The following PARD6G variants were observed in gnomAD, a reference collection of about 807,000 sequenced individuals.
PARD6G encodes the protein par-6 family cell polarity regulator gamma.
A neutral mutation model predicts 10.7 loss-of-function variants in PARD6G; 7 were observed. The ratio of observed to expected loss-of-function variants is 0.66; its 90% CI spans 0.37 to 1.23. The LOEUF is 1.23. Among genes scored for constraint, PARD6G ranks in the 50% most tolerant of loss-of-function variants. PARD6G has a pLI of 0.02. For missense variants in PARD6G, 548 were observed against 571.8 expected (o/e 0.96, Z 0.42); for synonymous variants, 287 against 269.4 (o/e 1.07, Z -0.64).
chr18:80,212,884 C>CAAAA (rs529081644), intron 1 of PARD6G, among the ~76,000 whole-genome samples: 1 of 147,030 alleles, frequency 6.8e-6, no homozygotes, highest in African/African-American at 2.5e-5. Flanking sequence ...GACCCCATCT[C>CAAAA]AAAAAAAAAA....
chr18:80,220,254 A>C (rs998739735), intron 1 of PARD6G, among the ~76,000 whole-genome samples: 5 of 152,230 alleles, frequency 3.3e-5, no homozygotes, highest in African/African-American at 1.2e-4. Context: ...TCACAAAAAC[A>C]GCATAGAGGT....
intron 2 of PARD6G, among the ~76,000 whole-genome samples, chr18:80,174,530 A>C (rs1473292148): frequency 6.6e-6 from 1 of 152,194 alleles, no homozygotes; most frequent in African/African-American, 2.4e-5. Context: ...CACTGAGAAA[A>C]GACTCATGGA....
At chr18:80,224,713 G>A (rs1008768480) in intron 1 of PARD6G, among the ~76,000 whole-genome samples, 8 of 152,176 alleles carry the variant, frequency 5.3e-5, no homozygotes, top group African/African-American at 9.7e-5. Flanking sequence ...CGGGCGTGAT[G>A]GCGGGCGCCT....
intron 2 of PARD6G, among the ~76,000 whole-genome samples, chr18:80,164,765 G>A (rs960020656): frequency 4.6e-5 from 7 of 152,178 alleles, no homozygotes; most frequent in African/African-American, 1.4e-4. Flanking sequence ...ATCACCTATC[G>A]GTAGGTCCGT....
At chr18:80,218,496 C>T (rs1229713964) in intron 1 of PARD6G, among the ~76,000 whole-genome samples, 1 of 152,228 alleles carries the variant, frequency 6.6e-6, no homozygotes, top group African/African-American at 2.4e-5. Context: ...AAGAGGTAGG[C>T]TCCCATGGCC....
Position 80,159,464 on chromosome 18 carries a change from G to A in PARD6G, c.*307C>T, listed in dbSNP as rs767571682. On this transcript the variant is annotated 3_prime_UTR_variant, in exon 3 of 3. Transcript: ENST00000353265. ...TTTAAAGCTTCACTTTAAAAACAAA[G>A]TATTTGTAAAAATTTTAAAAAGCAT... 25 of 297,294 alleles carry A rather than the reference G, an allele frequency of 8.4e-5. No individual in the cohort carries two copies. Among genetic ancestry groups the A allele is most frequent in the South Asian group, 1.6e-4 (1 of 6,236 alleles). 18.4% of individuals were successfully genotyped at this position (297,294 alleles called of 1,614,324 possible).
At chr18:80,213,774 C>T (rs759444424) in intron 1 of PARD6G, among the ~76,000 whole-genome samples, 22 of 151,646 alleles carry the variant, frequency 1.5e-4, no homozygotes, top group Non-Finnish European at 2.6e-4. Flanking sequence ...CTGGCTAACA[C>T]GATGAAACCC....
At chr18:80,190,699 C>G (rs1465664657) in intron 2 of PARD6G, among the ~76,000 whole-genome samples, 1 of 152,212 alleles carries the variant, frequency 6.6e-6, no homozygotes, top group East Asian at 1.9e-4. Context: ...GTATTGGAGA[C>G]CATGGATTTG....
rs2052862155 is a variant in PARD6G, at chr18:80,184,308, T to C, written c.295+18402A>G. 6.6e-6 allele frequency: 1 copy of C among 152,256 alleles called. No homozygotes were observed. Among genetic ancestry groups the C allele is most frequent in the Admixed American group, 6.5e-5 (1 of 15,286 alleles). 9.4% of individuals were successfully genotyped at this position (152,256 alleles called of 1,614,324 possible). A position where few individuals can be genotyped will look rare whatever the true frequency, so the allele number is the denominator to read the frequency against. On this transcript the variant is annotated intron_variant, in intron 2 of 2. Coordinates refer to ENST00000353265, the MANE Select transcript of PARD6G (RefSeq NM_032510.4). This position sits in a 1 kb window ranked among gnomAD's most constrained non-coding sequence, Gnocchi z 4.5. ...ACTGCCGGGCTGCAGTGAATCCAGG[T>C]GACCTCACAGAAACTTGTATGTGAG...
intron 2 of PARD6G, chr18:80,168,830 A>T (rs2052754438): frequency 5.9e-6 from 1 of 168,716 alleles, no homozygotes; most frequent in Admixed American, 6.5e-5. Flanking sequence ...ATCCGTAACA[A>T]GAGGGGAAAT....
intron 2 of PARD6G, among the ~76,000 whole-genome samples, chr18:80,197,911 C>T (rs1425813171): frequency 2.0e-5 from 3 of 152,194 alleles, no homozygotes; most frequent in Non-Finnish European, 4.4e-5. Flanking sequence ...ACCCTCTCAT[C>T]GTGGCCAATC....
chr18:80,197,798 A>C, intron 2 of PARD6G, among the ~76,000 whole-genome samples: 1 of 152,250 alleles, frequency 6.6e-6, no homozygotes, highest in Non-Finnish European at 1.5e-5. Context: ...CCAGCTTCCC[A>C]AAACATTCCT....
At chr18:80,240,007 G>C (rs1464748331) in intron 1 of PARD6G, among the ~76,000 whole-genome samples, 2 of 152,176 alleles carry the variant, frequency 1.3e-5, no homozygotes, top group African/African-American at 4.8e-5. Context: ...CAAGAGAGGA[G>C]GCAACGGGGG....
In PARD6G at chr18:80,157,939, T is replaced by G. The variant is rs967687239; in HGVS notation, c.*1832A>C. 2.0e-5 allele frequency: 3 copies of G among 152,368 alleles called. No homozygotes were observed. The highest frequency in any genetic ancestry group is 7.2e-5 in the African/African-American group (3 of 41,460). The allele number at this position is 152,368 out of a possible 1,614,324, so 9.4% of individuals were successfully genotyped here. A position where few individuals can be genotyped will look rare whatever the true frequency, so the allele number is the denominator to read the frequency against. On this transcript the variant is annotated 3_prime_UTR_variant, in exon 3 of 3. Coordinates refer to ENST00000353265, the MANE Select transcript of PARD6G (RefSeq NM_032510.4). ...TCTGCCACTGACCAGCAGGTGGTGC[T>G]GGACCACAAGGAGAAGCAGCGGGAG...
At chr18:80,224,654 T>C (rs547219234) in intron 1 of PARD6G, among the ~76,000 whole-genome samples, 239 of 152,260 alleles carry the variant, frequency 1.6e-3, no homozygotes, top group Non-Finnish European at 1.8e-3. Flanking sequence ...AAGACCAACC[T>C]GGCTAACACG....
rs756338253 is a variant in PARD6G, at chr18:80,189,002, C to T, written c.295+13708G>A. Among the ~76,000 whole-genome samples the T allele has an allele frequency of 1.1e-4, 16 of 152,216 alleles. No individual in the cohort carries two copies. Among genetic ancestry groups the T allele is most frequent in the Non-Finnish European group, 1.8e-4 (12 of 68,036 alleles). ...GTAGGCGTTGCCCAGCCCGGGGTTG[C>T]CTGACACTCTCTGGGGCAGAGAACC... On this transcript the variant is annotated intron_variant, in intron 2 of 2. Coordinates refer to ENST00000353265, the MANE Select transcript of PARD6G (RefSeq NM_032510.4). The surrounding 1 kb of genome is among the most constrained non-coding windows in gnomAD (Gnocchi z 5.5).
At position 80,192,782 on chromosome 18, in the gene PARD6G, A is replaced by G. The variant is rs1223591315; in HGVS notation, c.295+9928T>C. Among the ~76,000 whole-genome samples the G allele has an allele frequency of 6.6e-6, 1 of 152,056 alleles. No homozygotes were observed. Among genetic ancestry groups the G allele is most frequent in the Non-Finnish European group, 1.5e-5 (1 of 67,998 alleles). On this transcript the variant is annotated intron_variant, in intron 2 of 2. Transcript: ENST00000353265. This position sits in a 1 kb window ranked among gnomAD's most constrained non-coding sequence, Gnocchi z 4.9. ...CTCCACTGTTCATTATCTCCTCCTCACAGTCCCCACGCTGTGGGCAGGGAC... is the reference window on the plus strand; with the variant it reads ...CTCCACTGTTCATTATCTCCTCCTCGCAGTCCCCACGCTGTGGGCAGGGAC...
intron 1 of PARD6G, among the ~76,000 whole-genome samples, chr18:80,223,635 T>C (rs886108476): frequency 2.0e-5 from 3 of 152,158 alleles, no homozygotes; most frequent in African/African-American, 7.2e-5. Context: ...ACGGTGCAAA[T>C]GATTTTGTAA....
intron 1 of PARD6G, among the ~76,000 whole-genome samples, chr18:80,212,092 G>T (rs1010719461): frequency 6.6e-6 from 1 of 152,188 alleles, no homozygotes; most frequent in African/African-American, 2.4e-5. Context: ...CACTGTCTGT[G>T]TGGAGTCTGC....
Sources: gnomAD v4.1 joint callset for allele counts (sites outside exome capture counted in the v4.1 genomes callset) on GRCh38, gnomAD v4.1.1 for gene constraint, Gnocchi (gnomAD v3.1) non-coding constraint, MANE v1.5 for transcripts, NCBI Gene and HGNC (gene_info 2026-07-23, HGNC 2026-07-21) for gene names.